NPNT: variants seen among roughly 807,000 people sequenced by gnomAD.
NPNT encodes the protein preosteoblast EGF-like repeat protein with MAM domain.
NPNT carries 45 observed loss-of-function variants against 68.6 expected under a neutral mutation model. That is an observed-to-expected ratio of 0.66 (90% CI 0.52 to 0.84). NPNT has a LOEUF of 0.84. NPNT is among the 40% of genes least tolerant of loss of function. The pLI is 0.00. For missense variants in NPNT, 672 were observed against 714.8 expected, an observed-to-expected ratio of 0.94 and a Z score of 0.68; for synonymous variants, 233 against 253.3, an observed-to-expected ratio of 0.92 and a Z score of 0.76.
At chr4:105,962,991 G>T (rs1335602563) in intron 10 of NPNT, among the ~76,000 whole-genome samples, 2 of 152,100 alleles carry the variant, frequency 1.3e-5, no homozygotes, top group Non-Finnish European at 2.9e-5. Flanking sequence ...TTGGGAGGCT[G>T]AGGTGGGTGG....
intron 3 of NPNT, chr4:105,932,839 G>A (rs1195309058): frequency 5.1e-6 from 3 of 583,978 alleles, no homozygotes; most frequent in Non-Finnish European, 9.0e-6. Context: ...CAAGCAGCAG[G>A]AATTGCCACC....
At chr4:105,927,134 TACAC>T in intron 2 of NPNT, 198 bp from the exon 3 acceptor site, 2 of 348,806 alleles carry the variant, frequency 5.7e-6, no homozygotes, top group Non-Finnish European at 1.0e-5. Context: ...CCCCAACTGA[TACAC>T]ACACATATAC....
intron 7 of NPNT, 57 bp from the exon 8 acceptor site, chr4:105,942,250 G>A: frequency 7.3e-7 from 1 of 1,364,804 alleles, no homozygotes. Context: ...TCAGTGTAAT[G>A]CTTCACTTTT....
chr4:105,905,540 G>T (rs1304756708), intron 2 of NPNT, among the ~76,000 whole-genome samples: 6 of 151,666 alleles, frequency 4.0e-5, no homozygotes, highest in Admixed American at 3.9e-4. Flanking sequence ...TTTTTTTCAT[G>T]TAACACTACG....
chr4:105,950,321 GT>G (rs1474571345), intron 8 of NPNT, among the ~76,000 whole-genome samples: 1 of 134,394 alleles, frequency 7.4e-6, no homozygotes, highest in Non-Finnish European at 1.6e-5. Flanking sequence ...AACATAGGAT[GT>G]TTATTAACTA....
At chr4:105,959,437 A>G (rs1731501755) in intron 10 of NPNT, among the ~76,000 whole-genome samples, 1 of 152,086 alleles carries the variant, frequency 6.6e-6, no homozygotes, top group African/African-American at 2.4e-5. Flanking sequence ...TGTAGCACCC[A>G]TTCCCAGGAA....
At chr4:105,932,776 A>G in intron 3 of NPNT, 1 of 1,067,708 alleles carries the variant, frequency 9.4e-7, no homozygotes, top group Middle Eastern at 2.0e-4. Flanking sequence ...CACTTCTTGC[A>G]AATGTTCTGA....
At position 105,967,173 on chromosome 4, in the gene NPNT, C is replaced by T. The variant is rs1348859580; in HGVS notation, c.1346-15C>T. 2 of 1,612,862 alleles carry T rather than the reference C, an allele frequency of 1.2e-6. No homozygotes were observed. The highest frequency in any genetic ancestry group is 8.5e-7 in the Non-Finnish European group (1 of 1,179,794). On this transcript the variant is annotated splice_polypyrimidine_tract_variant and intron_variant, in intron 10 of 11. Coordinates refer to ENST00000379987, the MANE Select transcript of NPNT (RefSeq NM_001033047.3). ...ATATTGGCACATACACACAGCCCTG[C>T]TTTTCCCATTCCAGGTGGACAATAT...
intron 3 of NPNT, among the ~76,000 whole-genome samples, chr4:105,930,791 T>C (rs1268205590): frequency 6.6e-6 from 1 of 152,174 alleles, no homozygotes; most frequent in Non-Finnish European, 1.5e-5. Flanking sequence ...AATAAACAAG[T>C]GCTTAACCAG....
intron 3 of NPNT, among the ~76,000 whole-genome samples, chr4:105,935,919 A>T (rs1026900788): frequency 6.6e-6 from 1 of 152,210 alleles, no homozygotes; most frequent in Non-Finnish European, 1.5e-5. Flanking sequence ...TTGTCACTAG[A>T]CATATTATCT....
At position 105,938,288 on chromosome 4, in the gene NPNT, A is replaced by G. The variant is rs1553981752; in HGVS notation, c.386-13A>G. 1.9e-6 allele frequency: 3 copies of G among 1,610,260 alleles called. No homozygotes were observed. Among genetic ancestry groups the G allele is most frequent in the Non-Finnish European group, 2.5e-6 (3 of 1,178,596 alleles). ...TTCTACCTGTCTGAGTCAGCCAGTC[A>G]CTCTCTTTCCAGGTGCCCTGACCTG... On this transcript the variant is annotated splice_polypyrimidine_tract_variant and intron_variant, in intron 4 of 11. Transcript: ENST00000379987.
intron 8 of NPNT, among the ~76,000 whole-genome samples, chr4:105,953,112 G>T (rs753501103): frequency 7.2e-5 from 11 of 152,162 alleles, no homozygotes; most frequent in Non-Finnish European, 1.6e-4. Context: ...ATTGTAGTGA[G>T]CCAAGATCGT....
At chr4:105,958,677 A>G in intron 9 of NPNT, 120 bp downstream of exon 9, 1 of 541,848 alleles carries the variant, frequency 1.8e-6, no homozygotes, top group Non-Finnish European at 3.2e-6. Flanking sequence ...TTCTTTAACA[A>G]CTCAGATTTT....
rs761623783 is a variant in NPNT, at chr4:105,895,689, C to T, written c.37C>T (p.Leu13Phe). 5.3e-5 allele frequency: 82 copies of T among 1,553,990 alleles called. 1 individual carries two copies. Among genetic ancestry groups the T allele is most frequent in the Non-Finnish European group, 6.8e-5 (78 of 1,148,346 alleles). ...FLLALVLVSS[L>F]YLQAAAEFDG... ...CCTGGCGCTGGTGCTGGTATCCTCG[C>T]TCTACCTGCAGGCGGCCGCCGAGTT... Residue 13 changes from leucine to phenylalanine, a missense_variant, in exon 1 of 12, where the codon CTC (leucine) becomes TTC (phenylalanine). Transcript: ENST00000379987.
Position 105,967,276 on chromosome 4 carries a change from A to G in NPNT, c.1434A>G (p.Ser478=). The change falls in exon 11 of 12, where the codon TCA becomes TCG. Residue 478 remains serine (S), a synonymous_variant. Coordinates refer to ENST00000379987, the MANE Select transcript of NPNT (RefSeq NM_001033047.3). ...TACCTCTCGGCCGCCTCATGCATTC[A>G]GGGGACCTGTGCCTGTCATTCAGGC... ...LVLPLGRLMH[S]GDLCLSFRHK... 6.2e-7 allele frequency: 1 copy of G among 1,614,064 alleles called. No individual in the cohort carries two copies. The highest frequency in any genetic ancestry group is 8.5e-7 in the Non-Finnish European group (1 of 1,179,994).
At chr4:105,917,776 C>T (rs1014274615) in intron 2 of NPNT, among the ~76,000 whole-genome samples, 5 of 151,832 alleles carry the variant, frequency 3.3e-5, no homozygotes, top group Admixed American at 6.6e-5. Context: ...TGGAGGTACT[C>T]GAGAGTGTAT....
At chr4:105,935,291 C>A (rs1341228403) in intron 3 of NPNT, among the ~76,000 whole-genome samples, 1 of 152,132 alleles carries the variant, frequency 6.6e-6, no homozygotes, top group East Asian at 1.9e-4. Context: ...TTCTCTAACA[C>A]CATATTTGGT....
Position 105,969,728 on chromosome 4 carries a change from A to C in NPNT, c.*738A>C, listed in dbSNP as rs1732441642. The C allele has an allele frequency of 6.6e-6, 1 of 152,256 alleles. No individual in the cohort carries two copies. The highest frequency in any genetic ancestry group is 1.5e-5 in the Non-Finnish European group (1 of 68,094). The allele number at this position is 152,256 out of a possible 1,614,324, so 9.4% of individuals were successfully genotyped here. A position where few individuals can be genotyped will look rare whatever the true frequency, so the allele number is the denominator to read the frequency against. ...GTAAAGGGCAGCTTGTGATCTCAAA[A>C]AAATACATGGTGAAATGTCATCCAG... On this transcript the variant is annotated 3_prime_UTR_variant, in exon 12 of 12. Coordinates refer to ENST00000379987, the MANE Select transcript of NPNT (RefSeq NM_001033047.3).
intron 2 of NPNT, among the ~76,000 whole-genome samples, chr4:105,920,674 G>T (rs1312030816): frequency 6.6e-6 from 1 of 151,886 alleles, no homozygotes; most frequent in African/African-American, 2.4e-5. Context: ...GGACACTTCA[G>T]GAATTAAAAT....
Sources: gnomAD v4.1 joint callset for allele counts (sites outside exome capture counted in the v4.1 genomes callset) on GRCh38, gnomAD v4.1.1 for gene constraint, MANE v1.5 for transcripts, NCBI Gene and HGNC (gene_info 2026-07-23, HGNC 2026-07-21) for gene names.